The following XDH variants were observed in gnomAD, a reference collection of about 807,000 sequenced individuals.
XDH encodes the protein xanthine dehydrogenase/oxidase.
XDH carries 138 observed loss-of-function variants against 156.1 expected under a neutral mutation model. The observed-to-expected ratio is 0.88, with a 90% CI of 0.77 to 1.02. The LOEUF (loss-of-function observed/expected upper bound fraction) is 1.02, where lower values mean the gene tolerates loss of function less well. XDH is among the 50% of genes least tolerant of loss of function. The probability of loss-of-function intolerance (pLI) is 0.00; values close to 1 mark genes in which losing one functional copy is unlikely to be tolerated. For missense variants in XDH, 1,849 were observed against 1,684.9 expected (o/e 1.10, Z -1.71); for synonymous variants, 669 against 625.7 (o/e 1.07, Z -1.03).
intron 5 of XDH, among the ~76,000 whole-genome samples, chr2:31,398,150 G>C (rs572352976): frequency 6.6e-6 from 1 of 152,190 alleles, no homozygotes; most frequent in Admixed American, 6.5e-5. Context: ...AGATGGGGAG[G>C]CTTCTCTATT....
At chr2:31,371,974 ACT>A (rs753645966) in intron 17 of XDH, among the ~76,000 whole-genome samples, 4 of 151,966 alleles carry the variant, frequency 2.6e-5, no homozygotes, top group Non-Finnish European at 5.9e-5. Flanking sequence ...TCAAATTCCA[ACT>A]CTGCCACTTA....
chr2:31,388,027 C>G, intron 7 of XDH, 130 bp from the exon 8 acceptor site: 1 of 1,165,106 alleles, frequency 8.6e-7, no homozygotes, highest in Non-Finnish European at 1.2e-6. Flanking sequence ...AGCAGGTAAT[C>G]CCTGGGAGGC....
chr2:31,342,158 T>C (rs1412587770), intron 32 of XDH, 25 bp downstream of exon 32: 1 of 1,587,292 alleles, frequency 6.3e-7, no homozygotes, highest in Non-Finnish European at 8.7e-7. Context: ...TCCCACTAAG[T>C]ACTAAAGTTT....
chr2:31,371,871 GTA>G (rs1686081279), intron 17 of XDH, among the ~76,000 whole-genome samples: 1 of 152,152 alleles, frequency 6.6e-6, no homozygotes, highest in African/African-American at 2.4e-5. Context: ...GCTCAGCAGG[GTA>G]TGTGTCTAAC....
intron 13 of XDH, among the ~76,000 whole-genome samples, chr2:31,378,055 G>GAAGAAAGGAAGAAAGA (rs1686298190): frequency 1.5e-5 from 1 of 65,532 alleles, no homozygotes; most frequent in Non-Finnish European, 2.9e-5. Flanking sequence ...AGAAAGAAAG[G>GAAGAAAGGAAGAAAGA]AAGAAAGAAA....
intron 6 of XDH, 86 bp from the exon 7 acceptor site, chr2:31,388,381 C>T: frequency 6.9e-7 from 1 of 1,449,574 alleles, no homozygotes; most frequent in Non-Finnish European, 9.6e-7. Flanking sequence ...ATATCCAGAA[C>T]ACTCCAGCTC....
At chr2:31,358,526 A>G (rs1012759796) in intron 24 of XDH, among the ~76,000 whole-genome samples, 2 of 152,202 alleles carry the variant, frequency 1.3e-5, no homozygotes, top group African/African-American at 4.8e-5. Context: ...AAATTTTAGC[A>G]AATAAAATTT....
chr2:31,367,841 A>C (rs1370293279), intron 20 of XDH, 120 bp downstream of exon 20: 2 of 978,492 alleles, frequency 2.0e-6, no homozygotes, highest in Non-Finnish European at 1.7e-6. Context: ...GTAAGAGGGA[A>C]TCTTCTGTCA....
At chr2:31,375,797 T>A (rs910136050) in intron 14 of XDH, among the ~76,000 whole-genome samples, 3 of 152,246 alleles carry the variant, frequency 2.0e-5, no homozygotes, top group Non-Finnish European at 4.4e-5. Context: ...TATCAAGTCC[T>A]CACAATGTGC....
chr2:31,368,622 A>G lies in XDH; in HGVS notation c.2019T>C (p.Ala673=), dbSNP rs1685987319. ...CVGHIIGAVV[A]DTPEHTQRAA... ...CTCTCTGTGTGTGTTCCGGGGTGTC[A>G]GCAACCACAGCACCAATGATATGCC... The change falls in exon 19 of 36, where the codon GCT becomes GCC. Residue 673 remains alanine (A), a synonymous_variant. Transcript: ENST00000379416. The G allele has an allele frequency of 6.2e-7, 1 of 1,614,070 alleles. No individual in the cohort carries two copies. The highest frequency in any genetic ancestry group is 8.5e-7 in the Non-Finnish European group (1 of 1,180,030).
Position 31,346,767 on chromosome 2 carries a change from ACCCAGTCTT to A in XDH, c.3344_3351+1del. The stretch of plus-strand genomic sequence containing the variant: ...ACGTGACTTGGATCAGCTCAGACTT[ACCCAGTCTT>A]CCCAGGAGCCACTGGGATTCTTCTT... On this transcript the variant is annotated splice_donor_variant and coding_sequence_variant, in exon 30 of 36. Coordinates refer to ENST00000379416, the MANE Select transcript of XDH (RefSeq NM_000379.4). LOFTEE classifies it high-confidence loss of function. The A allele has an allele frequency of 6.2e-7, 1 of 1,614,024 alleles. No individual in the cohort carries two copies. Among genetic ancestry groups the A allele is most frequent in the South Asian group, 1.1e-5 (1 of 91,072 alleles).
intron 16 of XDH, among the ~76,000 whole-genome samples, chr2:31,373,195 CA>C (rs1686124365): frequency 6.6e-6 from 1 of 152,118 alleles, no homozygotes; most frequent in Non-Finnish European, 1.5e-5. Context: ...GTAAGTTGTT[CA>C]AGGTTGCACA....
intron 17 of XDH, among the ~76,000 whole-genome samples, chr2:31,370,856 A>G (rs1049695055): frequency 6.6e-6 from 1 of 152,200 alleles, no homozygotes. Flanking sequence ...AATAAAGTGA[A>G]GAAGGCAGGC....
intron 24 of XDH, among the ~76,000 whole-genome samples, chr2:31,355,503 CAG>C (rs1685600262): frequency 6.6e-6 from 1 of 151,980 alleles, no homozygotes; most frequent in Non-Finnish European, 1.5e-5. Flanking sequence ...TGGGAAAGGG[CAG>C]AGTCATAAAG....
chr2:31,342,680 C>A (rs986314418), intron 31 of XDH, among the ~76,000 whole-genome samples: 1 of 151,424 alleles, frequency 6.6e-6, no homozygotes, highest in African/African-American at 2.4e-5. Context: ...ACTGAAGGTT[C>A]TGCCTGTGGT....
At chr2:31,368,475 C>G in intron 19 of XDH, 66 bp downstream of exon 19, 1 of 1,598,200 alleles carries the variant, frequency 6.3e-7, no homozygotes, top group Non-Finnish European at 8.6e-7. Context: ...TCCAGGGGAT[C>G]CTAATACATG....
intron 1 of XDH, among the ~76,000 whole-genome samples, chr2:31,412,378 C>T (rs1454607823): frequency 1.3e-5 from 2 of 151,934 alleles, no homozygotes; most frequent in Non-Finnish European, 2.9e-5. Context: ...GGAGTAGGCT[C>T]ACATTTAAAA....
chr2:31,368,955 G>T (rs1398859573), intron 18 of XDH, among the ~76,000 whole-genome samples: 1 of 152,132 alleles, frequency 6.6e-6, no homozygotes, highest in Non-Finnish European at 1.5e-5. Flanking sequence ...GAGCAGAAAG[G>T]GGGATATGGC....
In XDH at chr2:31,388,000, C is replaced by T. The variant is rs1686659166; in HGVS notation, c.565-103G>A. On this transcript the variant is annotated intron_variant, in intron 7 of 35. Transcript: ENST00000379416. ...TTCCAGCAAGCTCATTCCCAGCCCC[C>T]TGCAGGCTGCAAGAGGAGCAGGTAA... 11 of 1,332,960 alleles carry T rather than the reference C, an allele frequency of 8.3e-6. No homozygotes were observed. In the South Asian group the frequency reaches 1.4e-4, roughly 17 times the overall value. 82.6% of individuals were successfully genotyped at this position (1,332,960 alleles called of 1,614,324 possible).
Sources: allele counts gnomAD v4.1 joint callset (sites outside exome capture counted in the v4.1 genomes callset), GRCh38; gene constraint gnomAD v4.1.1; transcripts MANE v1.5; gene names NCBI Gene and HGNC (gene_info 2026-07-23, HGNC 2026-07-21).